ELMO1: variants seen among roughly 807,000 people sequenced by gnomAD.
The protein encoded by ELMO1 is engulfment and cell motility 1.
ELMO1 carries 26 observed loss-of-function variants against 98.9 expected under a neutral mutation model. The observed-to-expected ratio is 0.26, with a 90% CI of 0.19 to 0.36. ELMO1 has a LOEUF of 0.36. Among genes scored for constraint, ELMO1 ranks in the 10% least tolerant of loss-of-function variants. The pLI, the probability that ELMO1 is intolerant of heterozygous loss-of-function variation, is 1.00. For missense variants in ELMO1, 627 were observed against 935.2 expected (o/e 0.67, Z 4.30); for synonymous variants, 346 against 346.0 (o/e 1.00, Z 0.00).
chr7:37,050,835 A>G (rs942767050), intron 15 of ELMO1, among the ~76,000 whole-genome samples: 1 of 151,422 alleles, frequency 6.6e-6, no homozygotes, highest in Non-Finnish European at 1.5e-5. Flanking sequence ...TTTTAATCAC[A>G]ACCTTATCTG....
intron 6 of ELMO1, among the ~76,000 whole-genome samples, chr7:37,254,405 T>C (rs1795527510): frequency 6.6e-6 from 1 of 152,204 alleles, no homozygotes; most frequent in Non-Finnish European, 1.5e-5. Flanking sequence ...AATACAGTCA[T>C]GTGTTGCTTA....
At chr7:37,045,462 A>G (rs759076554) in intron 15 of ELMO1, among the ~76,000 whole-genome samples, 27 of 152,308 alleles carry the variant, frequency 1.8e-4, no homozygotes, top group Non-Finnish European at 3.5e-4. Flanking sequence ...GCATGTTATT[A>G]TTATTTTAAA....
At chr7:36,978,434 A>C (rs545003616) in intron 16 of ELMO1, among the ~76,000 whole-genome samples, 1 of 152,126 alleles carries the variant, frequency 6.6e-6, no homozygotes, top group Admixed American at 6.6e-5. Flanking sequence ...TATGAAGTGC[A>C]TGGCCGGCGG....
At chr7:37,059,431 G>A (rs1584580260) in intron 15 of ELMO1, among the ~76,000 whole-genome samples, 1 of 152,184 alleles carries the variant, frequency 6.6e-6, no homozygotes, top group East Asian at 1.9e-4. Context: ...CAATCTTCTA[G>A]TATAGCATAG....
chr7:36,920,745 C>T (rs915837312), intron 16 of ELMO1, among the ~76,000 whole-genome samples: 4 of 152,128 alleles, frequency 2.6e-5, no homozygotes, highest in Non-Finnish European at 4.4e-5. Flanking sequence ...TACTGTTAGA[C>T]TGACCACCTT....
intron 16 of ELMO1, among the ~76,000 whole-genome samples, chr7:36,960,483 T>C (rs1788844669): frequency 6.6e-6 from 1 of 152,208 alleles, no homozygotes; most frequent in Non-Finnish European, 1.5e-5. Flanking sequence ...GCCTGTTCTC[T>C]GTTTCTGAAA....
intron 2 of ELMO1, among the ~76,000 whole-genome samples, chr7:37,334,003 T>G (rs1800262624): frequency 6.6e-6 from 1 of 151,756 alleles, no homozygotes; most frequent in Non-Finnish European, 1.5e-5. Flanking sequence ...GCAGGGAGAG[T>G]GATAAATTTC....
chr7:37,251,757 AG>A (rs1206821582), intron 6 of ELMO1, among the ~76,000 whole-genome samples: 4 of 152,208 alleles, frequency 2.6e-5, no homozygotes, highest in Admixed American at 6.5e-5. Context: ...AAAGAAATAA[AG>A]GGTATTCAAA....
intron 1 of ELMO1, among the ~76,000 whole-genome samples, chr7:37,379,900 C>T (rs1321061311): frequency 6.6e-6 from 1 of 152,210 alleles, no homozygotes; most frequent in African/African-American, 2.4e-5. Flanking sequence ...CACAAACTGT[C>T]TTTGTGTCCT....
chr7:37,268,790 A>T (rs1489836782), intron 5 of ELMO1, among the ~76,000 whole-genome samples: 6 of 152,262 alleles, frequency 3.9e-5, no homozygotes, highest in Non-Finnish European at 7.3e-5. Flanking sequence ...ATTAGTGACC[A>T]TTTCTCTAGG....
intron 16 of ELMO1, among the ~76,000 whole-genome samples, chr7:36,952,790 G>A (rs968785492): frequency 6.6e-6 from 1 of 151,428 alleles, no homozygotes; most frequent in Non-Finnish European, 1.5e-5. Context: ...TAGCTGGGAA[G>A]GAAAAAAAAA....
At chr7:37,025,100 A>T (rs1423545518) in intron 15 of ELMO1, among the ~76,000 whole-genome samples, 1 of 152,224 alleles carries the variant, frequency 6.6e-6, no homozygotes, top group Non-Finnish European at 1.5e-5. Flanking sequence ...AAAACAATCA[A>T]GATGTGCACA....
intron 13 of ELMO1, among the ~76,000 whole-genome samples, chr7:37,179,843 A>G (rs971110607): frequency 6.6e-6 from 1 of 152,184 alleles, no homozygotes; most frequent in Admixed American, 6.5e-5. Context: ...TTTGCTTGGC[A>G]GAGGGAAGTT....
At chr7:37,133,069 G>A in intron 14 of ELMO1, 61 bp downstream of exon 14, 3 of 1,341,024 alleles carry the variant, frequency 2.2e-6, no homozygotes, top group Non-Finnish European at 3.1e-6. Flanking sequence ...CCGTATTTGT[G>A]AGTTTGAAAT....
intron 16 of ELMO1, among the ~76,000 whole-genome samples, chr7:36,902,895 C>T (rs1783681153): frequency 6.6e-6 from 1 of 152,192 alleles, no homozygotes; most frequent in Non-Finnish European, 1.5e-5. Flanking sequence ...TCTCCCTGGA[C>T]CCTTGCCCTA....
chr7:37,445,851 A>G lies in ELMO1; in HGVS notation c.-74+2824T>C, dbSNP rs1805591928. On this transcript the variant is annotated intron_variant, in intron 1 of 21. Coordinates refer to ENST00000310758, the MANE Select transcript of ELMO1 (RefSeq NM_014800.11). ...TGCCTCTGACTTCAATCCCCTTACAATCATGCCCTTCCTCCTAGGCTAAAG... is the reference window on the plus strand; with the variant it reads ...TGCCTCTGACTTCAATCCCCTTACAGTCATGCCCTTCCTCCTAGGCTAAAG... Among the ~76,000 whole-genome samples the G allele has an allele frequency of 1.3e-5, 2 of 152,064 alleles. 1 individual carries two copies. The highest frequency in any genetic ancestry group is 4.2e-4 in the South Asian group (2 of 4,818).
chr7:37,214,420 C>T (rs1793165090), intron 11 of ELMO1, among the ~76,000 whole-genome samples: 1 of 152,130 alleles, frequency 6.6e-6, no homozygotes, highest in Non-Finnish European at 1.5e-5. Flanking sequence ...CAGTAAATGA[C>T]AAAGCTCCCC....
At chr7:36,943,394 T>A (rs1444764846) in intron 16 of ELMO1, among the ~76,000 whole-genome samples, 1 of 152,230 alleles carries the variant, frequency 6.6e-6, no homozygotes, top group Non-Finnish European at 1.5e-5. Flanking sequence ...GCCACACTCA[T>A]CCTAACAAAA....
intron 15 of ELMO1, among the ~76,000 whole-genome samples, chr7:37,039,353 T>A (rs1795369965): frequency 6.6e-6 from 1 of 152,214 alleles, no homozygotes; most frequent in Non-Finnish European, 1.5e-5. Flanking sequence ...GCACTCTGAC[T>A]GCAGGCCATG....
Sources: gnomAD v4.1 joint callset for allele counts (sites outside exome capture counted in the v4.1 genomes callset) on GRCh38, gnomAD v4.1.1 for gene constraint, MANE v1.5 for transcripts, NCBI Gene and HGNC (gene_info 2026-07-23, HGNC 2026-07-21) for gene names.